PAPOLG: variants seen among roughly 807,000 people sequenced by gnomAD.
PAPOLG encodes PAP-gamma.
Under a neutral mutation model 99.0 loss-of-function variants are expected in PAPOLG, and 40 were observed. The ratio of observed to expected loss-of-function variants is 0.40; its 90% confidence interval spans 0.31 to 0.53. The LOEUF (loss-of-function observed/expected upper bound fraction) is 0.53, where lower values mean the gene tolerates loss of function less well. Among genes scored for constraint, PAPOLG ranks in the 20% least tolerant of loss-of-function variants. PAPOLG has a pLI of 0.41. For missense variants in PAPOLG, 675 were observed against 884.1 expected, an observed-to-expected ratio of 0.76 and a Z score of 3.00; for synonymous variants, 310 against 299.3, an observed-to-expected ratio of 1.04 and a Z score of -0.37.
At chr2:60,764,608 T>C (rs1454950225) in intron 3 of PAPOLG, among the ~76,000 whole-genome samples, 1 of 151,988 alleles carries the variant, frequency 6.6e-6, no homozygotes, top group Non-Finnish European at 1.5e-5. Flanking sequence ...GTATTTTTGA[T>C]AGAGACGGGG....
chr2:60,790,583 G>A (rs1258100909), intron 15 of PAPOLG, among the ~76,000 whole-genome samples: 3 of 152,246 alleles, frequency 2.0e-5, no homozygotes, highest in Admixed American at 1.3e-4. Flanking sequence ...GGCGTGAAAA[G>A]CACTAGAATG....
intron 8 of PAPOLG, among the ~76,000 whole-genome samples, chr2:60,776,820 G>T (rs62149380): frequency 0.24 from 36,814 of 152,040 alleles, 4,823 homozygotes; most frequent in Middle Eastern, 0.34. Context: ...CTCTCTAGCT[G>T]TGAAAGTCCT....
At chr2:60,775,911 G>A (rs1389471025) in intron 8 of PAPOLG, among the ~76,000 whole-genome samples, 5 of 151,918 alleles carry the variant, frequency 3.3e-5, no homozygotes, top group African/African-American at 7.3e-5. Context: ...TTATAGGCAC[G>A]CACCACCATA....
chr2:60,758,303 A>G (rs1049023970), intron 1 of PAPOLG, among the ~76,000 whole-genome samples: 11 of 147,608 alleles, frequency 7.5e-5, no homozygotes, highest in African/African-American at 2.8e-4. Flanking sequence ...CAGAAGATAA[A>G]TTAACCAGTA....
rs954655072 is a variant in PAPOLG at position 60,800,730 on chromosome 2, A to G, written c.*3570A>G. The G allele has an allele frequency of 6.6e-6, 1 of 152,284 alleles. No individual in the cohort carries two copies. Among genetic ancestry groups the G allele is most frequent in the African/African-American group, 2.4e-5 (1 of 41,454 alleles). 9.4% of individuals were successfully genotyped at this position (152,284 alleles called of 1,614,324 possible). On this transcript the variant is annotated 3_prime_UTR_variant, in exon 22 of 22. Transcript: ENST00000238714. The stretch of plus-strand genomic sequence containing the variant: ...TTGTGTATAAGAAGTTCTAGTTTAC[A>G]TGCATTTTTCTTGGGGAAAGTGCAT...
intron 8 of PAPOLG, among the ~76,000 whole-genome samples, chr2:60,776,969 T>C (rs1671039744): frequency 6.6e-6 from 1 of 152,230 alleles, no homozygotes; most frequent in Non-Finnish European, 1.5e-5. Flanking sequence ...TTGTTGCACT[T>C]CTAGTTGTGG....
chr2:60,787,850 G>A (rs769312109), intron 15 of PAPOLG, among the ~76,000 whole-genome samples: 11 of 152,152 alleles, frequency 7.2e-5, no homozygotes, highest in South Asian at 2.1e-4. Context: ...TCAGGAATTC[G>A]AGACCAGCCT....
At chr2:60,760,358 A>T in intron 2 of PAPOLG, 63 bp downstream of exon 2, 1 of 1,433,420 alleles carries the variant, frequency 7.0e-7, no homozygotes. Context: ...TTCTGCGAAC[A>T]TATTGAATAC....
intron 14 of PAPOLG, 22 bp from the exon 15 acceptor site, chr2:60,787,489 A>AT: frequency 1.3e-6 from 2 of 1,589,352 alleles, no homozygotes; most frequent in Non-Finnish European, 1.7e-6. Context: ...ATTAATGGAA[A>AT]TTCTTAAATT....
At position 60,799,417 on chromosome 2, in the gene PAPOLG, T is replaced by C. The variant is rs1051884337; in HGVS notation, c.*2257T>C. 1 of 152,264 alleles carries C rather than the reference T, an allele frequency of 6.6e-6. No homozygotes were observed. Among genetic ancestry groups the C allele is most frequent in the Non-Finnish European group, 1.5e-5 (1 of 68,024 alleles). 9.4% of individuals were successfully genotyped at this position (152,264 alleles called of 1,614,324 possible). On this transcript the variant is annotated 3_prime_UTR_variant, in exon 22 of 22. Coordinates refer to ENST00000238714, the MANE Select transcript of PAPOLG (RefSeq NM_022894.4). Reference sequence around the variant, plus strand: ...TTCAACCTGTTTGGTAACTGAGGAGTTGATAAAATACTTTTGAGATGGTGG... The same window carrying C: ...TTCAACCTGTTTGGTAACTGAGGAGCTGATAAAATACTTTTGAGATGGTGG...
chr2:60,788,488 A>G (rs538357851), intron 15 of PAPOLG, among the ~76,000 whole-genome samples: 1 of 151,944 alleles, frequency 6.6e-6, no homozygotes, highest in African/African-American at 2.4e-5. Flanking sequence ...GTCCTGGCTA[A>G]TTTTTTTATT....
intron 3 of PAPOLG, among the ~76,000 whole-genome samples, chr2:60,766,518 T>TA (rs1670679865): frequency 6.6e-6 from 1 of 151,780 alleles, no homozygotes; most frequent in Non-Finnish European, 1.5e-5. Flanking sequence ...ATTTAAAAAT[T>TA]ACCCAGGCAC....
At position 60,797,835 on chromosome 2, in the gene PAPOLG, A is replaced by G. The variant is rs1388318788; in HGVS notation, c.*675A>G. ...GGAAGATTAGTCCAGTGATTACATA[A>G]GAGTTGGGCACCATAAATTCTCTAT... is the stretch of plus-strand genomic sequence containing the variant. On this transcript the variant is annotated 3_prime_UTR_variant, in exon 22 of 22. Coordinates refer to ENST00000238714, the MANE Select transcript of PAPOLG (RefSeq NM_022894.4). 2.0e-5 allele frequency: 3 copies of G among 152,804 alleles called. No homozygotes were observed. Among genetic ancestry groups the G allele is most frequent in the Non-Finnish European group, 4.4e-5 (3 of 68,048 alleles). 9.5% of individuals were successfully genotyped at this position (152,804 alleles called of 1,614,324 possible).
intron 9 of PAPOLG, among the ~76,000 whole-genome samples, chr2:60,780,371 G>T (rs1671152235): frequency 6.6e-6 from 1 of 151,500 alleles, no homozygotes; most frequent in African/African-American, 2.4e-5. Context: ...TGCCTCCTGG[G>T]CTCAAGTGAT....
intron 8 of PAPOLG, among the ~76,000 whole-genome samples, chr2:60,776,005 C>T (rs974406589): frequency 6.6e-6 from 1 of 152,156 alleles, no homozygotes; most frequent in African/African-American, 2.4e-5. Context: ...CCTTGTGATC[C>T]GCTCGCCTCG....
chr2:60,772,824 A>T (rs1214495234), intron 7 of PAPOLG, among the ~76,000 whole-genome samples: 1 of 152,128 alleles, frequency 6.6e-6, no homozygotes, highest in African/African-American at 2.4e-5. Flanking sequence ...ATAATTATGG[A>T]TATTCTTCTT....
intron 20 of PAPOLG, 63 bp downstream of exon 20, chr2:60,794,838 G>A: frequency 6.5e-7 from 1 of 1,538,768 alleles, no homozygotes; most frequent in East Asian, 2.3e-5. Context: ...CAGGAAAAGT[G>A]CCATATTAGA....
Position 60,799,066 on chromosome 2 carries a change from G to C in PAPOLG, c.*1906G>C, listed in dbSNP as rs532065512. On this transcript the variant is annotated 3_prime_UTR_variant, in exon 22 of 22. Coordinates refer to ENST00000238714, the MANE Select transcript of PAPOLG (RefSeq NM_022894.4). ...TATTTGAGCAAAAATGAATGATTAT[G>C]AAAGAACCGAAGAATTATCACCTGA... The C allele has an allele frequency of 3.2e-4, 49 of 152,498 alleles. No homozygotes were observed. The highest frequency in any genetic ancestry group is 1.2e-3 in the African/African-American group (48 of 41,586). The allele number at this position is 152,498 out of a possible 1,614,324, so 9.4% of individuals were successfully genotyped here. A position where few individuals can be genotyped will look rare whatever the true frequency, so the allele number is the denominator to read the frequency against.
At chr2:60,765,316 G>A (rs1670642487) in intron 3 of PAPOLG, among the ~76,000 whole-genome samples, 1 of 144,506 alleles carries the variant, frequency 6.9e-6, no homozygotes, top group African/African-American at 2.6e-5. Flanking sequence ...GTACTCAAGT[G>A]ATCCTCCTGC....
Sources: gnomAD v4.1 joint callset for allele counts (sites outside exome capture counted in the v4.1 genomes callset) on GRCh38, gnomAD v4.1.1 for gene constraint, MANE v1.5 for transcripts, NCBI Gene and HGNC (gene_info 2026-07-23, HGNC 2026-07-21) for gene names.